Variants in DEK observed in about 807,000 individuals in gnomAD.
DEK encodes DEK proto-oncogene, also known as protein DEK.
In DEK, 28 loss-of-function variants were observed where a neutral mutation model predicts 46.8. That is an observed-to-expected ratio of 0.60 (90% confidence interval 0.44 to 0.82). The LOEUF is 0.82. Ranked by LOEUF, DEK falls within the 40% of genes least tolerant of loss-of-function variation. The pLI is 0.00. For synonymous variants in DEK, 160 were observed against 144.5 expected, an observed-to-expected ratio of 1.11 and a Z score of -0.77; for missense variants, 416 against 430.6, an observed-to-expected ratio of 0.97 and a Z score of 0.30.
chr6:18,226,821 G>A (rs890240033), intron 9 of DEK, among the ~76,000 whole-genome samples: 3 of 152,136 alleles, frequency 2.0e-5, no homozygotes, highest in East Asian at 1.9e-4. Flanking sequence ...GAAAGAAGTA[G>A]ACCACAGGAG....
chr6:18,258,480 G>C (rs1791699816), intron 2 of DEK, 75 bp from the exon 3 acceptor site: 1 of 1,117,066 alleles, frequency 9.0e-7, no homozygotes, highest in South Asian at 1.4e-5. Context: ...TACACATGTA[G>C]AACAAAGTCC....
At chr6:18,242,947 C>A (rs1561981808) in intron 7 of DEK, among the ~76,000 whole-genome samples, 1 of 152,064 alleles carries the variant, frequency 6.6e-6, no homozygotes, top group Non-Finnish European at 1.5e-5. Context: ...GGCCACAGTG[C>A]AGGATAAGTG....
At chr6:18,246,633 A>G (rs1791127621) in intron 7 of DEK, among the ~76,000 whole-genome samples, 1 of 152,234 alleles carries the variant, frequency 6.6e-6, no homozygotes, top group South Asian at 2.1e-4. Context: ...TTAGTCTTCT[A>G]CACATCTAAA....
chr6:18,248,434 T>C lies in DEK; in HGVS notation c.762+1217A>G, dbSNP rs567791183. 2.6e-5 allele frequency among the ~76,000 whole-genome samples: 4 copies of C among 152,326 alleles called. No homozygotes were observed. The South Asian group carries it at 8.3e-4, about 32-fold the overall frequency. ...ATCAGTTTAAAAATTTCCACTGTTA[T>C]ATATATACATACAAACAAACATGTT... On this transcript the variant is annotated intron_variant, in intron 7 of 10. Transcript: ENST00000652689.
intron 2 of DEK, among the ~76,000 whole-genome samples, chr6:18,261,370 T>A (rs555180414): frequency 6.6e-6 from 1 of 152,278 alleles, no homozygotes; most frequent in South Asian, 2.1e-4. Context: ...GTCGGGAGTT[T>A]GAGACCAGCC....
intron 6 of DEK, 67 bp downstream of exon 6, chr6:18,255,664 A>T: frequency 1.3e-6 from 2 of 1,527,020 alleles, no homozygotes; most frequent in Non-Finnish European, 8.7e-7. Flanking sequence ...GTTATTAATC[A>T]ATTTTTGTTT....
chr6:18,239,733 G>A (rs1222432165), intron 7 of DEK, among the ~76,000 whole-genome samples: 2 of 152,022 alleles, frequency 1.3e-5, no homozygotes, highest in East Asian at 3.9e-4. Context: ...GATGGTGTGG[G>A]GCTATGGGAC....
At chr6:18,241,120 C>T (rs1161848319) in intron 7 of DEK, among the ~76,000 whole-genome samples, 2 of 152,146 alleles carry the variant, frequency 1.3e-5, no homozygotes, top group Non-Finnish European at 1.5e-5. Context: ...GAATTTGTAT[C>T]TTGTGCTTTA....
chr6:18,239,798 T>C (rs1442008682), intron 7 of DEK, among the ~76,000 whole-genome samples: 1 of 152,202 alleles, frequency 6.6e-6, no homozygotes, highest in Non-Finnish European at 1.5e-5. Context: ...GTTTTAAGGT[T>C]CATTAAGTGT....
At chr6:18,264,064 C>T (rs901275865) in intron 1 of DEK, 68 bp from the exon 2 acceptor site, 2 of 1,411,940 alleles carry the variant, frequency 1.4e-6, no homozygotes, top group East Asian at 2.4e-5. Context: ...GGCGGCCACC[C>T]TGAATGATGC....
intron 7 of DEK, among the ~76,000 whole-genome samples, chr6:18,249,431 C>T (rs563486397): frequency 2.6e-4 from 39 of 152,180 alleles, no homozygotes; most frequent in Non-Finnish European, 5.1e-4. Context: ...ACTTCAAATC[C>T]AGTCCACACC....
intron 7 of DEK, chr6:18,244,524 G>A (rs1313470845): frequency 8.5e-6 from 11 of 1,288,826 alleles, no homozygotes; most frequent in Non-Finnish European, 1.1e-5. Flanking sequence ...TTTATAGGCA[G>A]CAGGGCTCTT....
At chr6:18,262,030 G>A (rs1475412292) in intron 2 of DEK, among the ~76,000 whole-genome samples, 1 of 152,104 alleles carries the variant, frequency 6.6e-6, no homozygotes, top group East Asian at 1.9e-4. Context: ...CTCATGAACG[G>A]CTTAGCATGG....
intron 7 of DEK, among the ~76,000 whole-genome samples, chr6:18,240,558 T>C (rs1790853717): frequency 6.6e-6 from 1 of 152,242 alleles, no homozygotes; most frequent in African/African-American, 2.4e-5. Context: ...TGGCAAATAG[T>C]AAACACTAAA....
rs1791444242 is a variant in DEK, at chr6:18,252,770, C to T, written c.574-2931G>A. On this transcript the variant is annotated intron_variant, in intron 6 of 10. Transcript: ENST00000652689. ...TCTTTTCACTGTGTTGACATTTGTA[C>T]TAATTGCAAAAGCAAAGGAAAGCAA... is the stretch of plus-strand genomic sequence containing the variant. 2.0e-5 allele frequency among the ~76,000 whole-genome samples: 3 copies of T among 152,076 alleles called. No homozygotes were observed. In the South Asian group the frequency reaches 6.2e-4, roughly 32 times the overall value.
chr6:18,226,036 A>C, intron 10 of DEK, 138 bp downstream of exon 10: 1 of 874,906 alleles, frequency 1.1e-6, no homozygotes, highest in Non-Finnish European at 1.6e-6. Flanking sequence ...AGAAGAAATA[A>C]ATTTCCCTAT....
chr6:18,235,802 T>G (rs1213921025), intron 9 of DEK, among the ~76,000 whole-genome samples: 2 of 152,216 alleles, frequency 1.3e-5, no homozygotes, highest in Non-Finnish European at 2.9e-5. Context: ...ACCTGTAACA[T>G]TTAGCCCAGT....
rs769355298 is a variant in DEK, at chr6:18,225,677, C to A, written c.*42G>T. On this transcript the variant is annotated 3_prime_UTR_variant, in exon 11 of 11. Transcript: ENST00000652689. Reference sequence around the variant, plus strand: ...GCTGGTATAATGGTATAAATCAGATCTTCAAATCTATGGGAACGAGTCATC... The same window carrying A: ...GCTGGTATAATGGTATAAATCAGATATTCAAATCTATGGGAACGAGTCATC... 9.3e-6 allele frequency: 15 copies of A among 1,605,642 alleles called. No individual in the cohort carries two copies. Among genetic ancestry groups the A allele is most frequent in the Non-Finnish European group, 1.3e-5 (15 of 1,174,626 alleles).
intron 7 of DEK, 144 bp from the exon 8 acceptor site, chr6:18,237,660 A>G: frequency 8.4e-6 from 9 of 1,072,236 alleles, no homozygotes; most frequent in Non-Finnish European, 1.0e-5. Flanking sequence ...TTTTTGAGAG[A>G]TGACTAATAT....
Sources: allele counts gnomAD v4.1 joint callset (sites outside exome capture counted in the v4.1 genomes callset), GRCh38; gene constraint gnomAD v4.1.1; transcripts MANE v1.5; gene names NCBI Gene and HGNC (gene_info 2026-07-23, HGNC 2026-07-21).